HDAC3: variants seen among roughly 807,000 people sequenced by gnomAD.
HDAC3 encodes the protein histone deacetylase 3.
Under a neutral mutation model 62.3 loss-of-function variants are expected in HDAC3, and 21 were observed. The ratio of observed to expected loss-of-function variants is 0.34; its 90% CI spans 0.24 to 0.49. The LOEUF (loss-of-function observed/expected upper bound fraction) is 0.49, where lower values mean the gene tolerates loss of function less well. Among genes scored for constraint, HDAC3 ranks in the 20% least tolerant of loss-of-function variants. HDAC3 has a pLI of 0.99. For missense variants in HDAC3, 270 were observed against 556.9 expected (o/e 0.48, Z 5.19); for synonymous variants, 198 against 206.5 (o/e 0.96, Z 0.35).
intron 14 of HDAC3, 145 bp from the exon 15 acceptor site, chr5:141,621,682 G>A (rs949518936): frequency 1.2e-5 from 8 of 642,042 alleles, no homozygotes; most frequent in African/African-American, 3.7e-5. Context: ...ACCCATTCAC[G>A]TATCAAATAA....
intron 3 of HDAC3, among the ~76,000 whole-genome samples, chr5:141,630,639 T>C (rs1180898813): frequency 1.3e-5 from 2 of 152,222 alleles, no homozygotes; most frequent in Non-Finnish European, 2.9e-5. Context: ...ATTATTACCA[T>C]TGTTATTCTT....
At chr5:141,634,765 C>T (rs201039426) in intron 3 of HDAC3, 46 bp downstream of exon 3, 37 of 1,597,946 alleles carry the variant, frequency 2.3e-5, no homozygotes, top group Admixed American at 3.4e-5. Context: ...CACTGAAGGG[C>T]TTGGCATTAA....
chr5:141,634,568 A>G (rs545638989), intron 3 of HDAC3, among the ~76,000 whole-genome samples: 12 of 152,330 alleles, frequency 7.9e-5, no homozygotes, highest in South Asian at 2.1e-4. Flanking sequence ...CCTCCTCTTT[A>G]TAAGACTTAG....
intron 2 of HDAC3, 89 bp from the exon 3 acceptor site, chr5:141,635,042 T>A: frequency 7.5e-7 from 1 of 1,330,010 alleles, no homozygotes. Flanking sequence ...TCCTGGAGAC[T>A]ATATGAAGCC....
chr5:141,624,214 T>C (rs1380669390), intron 14 of HDAC3, among the ~76,000 whole-genome samples: 3 of 151,070 alleles, frequency 2.0e-5, no homozygotes, highest in Middle Eastern at 3.4e-3. Context: ...TGCTACAGAC[T>C]TTCTGGACGG....
rs376068883 is a variant in HDAC3 at position 141,629,896 on chromosome 5, G to A, written c.384C>T (p.Asn128=). 12 of 1,614,036 alleles carry A rather than the reference G, an allele frequency of 7.4e-6. No homozygotes were observed. The highest frequency in any genetic ancestry group is 1.6e-4 in the Middle Eastern group (1 of 6,084). Residue 128 remains asparagine (N), a synonymous_variant, in exon 5 of 15, where the codon AAC becomes AAT. Transcript: ENST00000305264. This position sits in a 1 kb window ranked among gnomAD's most constrained non-coding sequence, Gnocchi z 5.3. The part of the protein sequence containing the change: ...LNNKICDIAI[N]WAGGLHHAKK... ...TGGCATGGTGCAGACCACCAGCCCAGTTAATGGCAATATCACAGATCTGAA... is the reference window on the plus strand; with the variant it reads ...TGGCATGGTGCAGACCACCAGCCCAATTAATGGCAATATCACAGATCTGAA...
chr5:141,631,997 T>C (rs2099905283), intron 3 of HDAC3, among the ~76,000 whole-genome samples: 1 of 151,290 alleles, frequency 6.6e-6, no homozygotes, highest in Non-Finnish European at 1.5e-5. Flanking sequence ...GAGGGATTTA[T>C]GGGTGAAAAG....
intron 3 of HDAC3, among the ~76,000 whole-genome samples, chr5:141,632,848 T>A (rs891351182): frequency 1.3e-5 from 2 of 152,148 alleles, no homozygotes; most frequent in African/African-American, 4.8e-5. Context: ...AGGGATAAAG[T>A]TGGAAAGGTG....
rs765982342 is a variant in HDAC3, at chr5:141,629,316, A to G, written c.477-10T>C. On this transcript the variant is annotated splice_polypyrimidine_tract_variant and intron_variant, in intron 6 of 14. Transcript: ENST00000305264. The surrounding 1 kb of genome is among the most constrained non-coding windows in gnomAD (Gnocchi z 5.3). ...CACCCGAGGGTGGTACCTAGAGGGA[A>G]GCCAAAGCCAGGGTCTGAGCTAGAA... 5.6e-6 allele frequency: 9 copies of G among 1,614,040 alleles called. No homozygotes were observed. Among genetic ancestry groups the G allele is most frequent in the Non-Finnish European group, 7.6e-6 (9 of 1,180,028 alleles).
rs544117508 is a variant in HDAC3, at chr5:141,627,405, A to C, written c.830+488T>G. 6.6e-5 allele frequency among the ~76,000 whole-genome samples: 10 copies of C among 152,184 alleles called. No individual in the cohort carries two copies. In the South Asian group the frequency reaches 2.1e-3, roughly 32 times the overall value. ...CAGAGCCTTTTGTGGGCCTTTGTCC[A>C]TGCTTGGGTCAGGCTTCTCTCTGCT... On this transcript the variant is annotated intron_variant, in intron 10 of 14. Coordinates refer to ENST00000305264, the MANE Select transcript of HDAC3 (RefSeq NM_003883.4).
chr5:141,630,566 C>T (rs1254940003), intron 3 of HDAC3, among the ~76,000 whole-genome samples: 18 of 152,150 alleles, frequency 1.2e-4, no homozygotes, highest in Admixed American at 1.2e-3. Context: ...GATGAGATAA[C>T]CCACGAAAAG....
chr5:141,621,935 C>G (rs1301251679), intron 14 of HDAC3, among the ~76,000 whole-genome samples: 3 of 152,034 alleles, frequency 2.0e-5, no homozygotes, highest in Non-Finnish European at 1.5e-5. Context: ...GGACATAAGA[C>G]CTAAAGTCTG....
Position 141,628,449 on chromosome 5 carries a change from T to C in HDAC3, c.691+110A>G, listed in dbSNP as rs1043819027. The C allele has an allele frequency of 3.4e-6, 3 of 893,828 alleles. No individual in the cohort carries two copies. The highest frequency in any genetic ancestry group is 3.3e-5 in the African/African-American group (2 of 60,118). 55.4% of individuals were successfully genotyped at this position (893,828 alleles called of 1,614,324 possible). A position where few individuals can be genotyped will look rare whatever the true frequency, so the allele number is the denominator to read the frequency against. On this transcript the variant is annotated intron_variant, in intron 8 of 14. Transcript: ENST00000305264. The surrounding 1 kb of genome is among the most constrained non-coding windows in gnomAD (Gnocchi z 4.7). Reference sequence around the variant, plus strand: ...AGATTCATGGTCCCTCTGAAGGCCATTCATCCTTAAGGACAACTGGCCCAA... The same window carrying C: ...AGATTCATGGTCCCTCTGAAGGCCACTCATCCTTAAGGACAACTGGCCCAA...
rs1385510987 is a variant in HDAC3, at chr5:141,625,294, A to T, written c.1131T>A (p.Ile377=). Residue 377 remains isoleucine (I), a synonymous_variant, in exon 14 of 15, where the codon ATT becomes ATA. Transcript: ENST00000305264. The surrounding 1 kb of genome is among the most constrained non-coding windows in gnomAD (Gnocchi z 4.0). ...TCAGGAGGTCTGCAGGCACGTCATG[A>T]ATCTGGACACTAGGTGCATGGTTCA... ...KMLNHAPSVQ[I]HDVPADLLTY... 8.1e-6 allele frequency: 13 copies of T among 1,614,018 alleles called. No homozygotes were observed. The Admixed American group carries it at 2.2e-4, about 27-fold the overall frequency.
chr5:141,632,613 G>A (rs2099905383), intron 3 of HDAC3, among the ~76,000 whole-genome samples: 1 of 152,132 alleles, frequency 6.6e-6, no homozygotes, highest in Non-Finnish European at 1.5e-5. Flanking sequence ...TAGAAAGTGA[G>A]CTCAGAAATA....
Position 141,628,486 on chromosome 5 carries a change from A to G in HDAC3, c.691+73T>C. 8.1e-7 allele frequency: 1 copy of G among 1,240,162 alleles called. No homozygotes were observed. The highest frequency in any genetic ancestry group is 1.2e-6 in the Non-Finnish European group (1 of 841,442). 76.8% of individuals were successfully genotyped at this position (1,240,162 alleles called of 1,614,324 possible). On this transcript the variant is annotated intron_variant, in intron 8 of 14. Transcript: ENST00000305264. The surrounding 1 kb of genome is among the most constrained non-coding windows in gnomAD (Gnocchi z 4.7). ...GACAACTGGCCCAACAGCAGACAAT[A>G]CCAGGCAGAAGAGGTTATTTCAAGG...
At chr5:141,623,894 A>C (rs969560594) in intron 14 of HDAC3, among the ~76,000 whole-genome samples, 12 of 152,118 alleles carry the variant, frequency 7.9e-5, no homozygotes, top group Admixed American at 7.2e-4. Context: ...CATTAAGTGC[A>C]TCTGTTTCTG....
chr5:141,629,451 G>A lies in HDAC3; in HGVS notation c.477-145C>T. On this transcript the variant is annotated intron_variant, in intron 6 of 14. Transcript: ENST00000305264. The surrounding 1 kb of genome is among the most constrained non-coding windows in gnomAD (Gnocchi z 5.3). ...GTCACCAGTTCCCTAAAGGCAACTG[G>A]GGGCTCCAGCCTAGAGGCTAGAGGC... The A allele has an allele frequency of 8.5e-7, 1 of 1,172,296 alleles. No homozygotes were observed. Among genetic ancestry groups the A allele is most frequent in the Non-Finnish European group, 1.2e-6 (1 of 819,302 alleles). The allele number at this position is 1,172,296 out of a possible 1,614,324, so 72.6% of individuals were successfully genotyped here. A position where few individuals can be genotyped will look rare whatever the true frequency, so the allele number is the denominator to read the frequency against.
At position 141,626,336 on chromosome 5, in the gene HDAC3, A is replaced by G; in HGVS notation, c.831-53T>C. On this transcript the variant is annotated intron_variant, in intron 10 of 14. Transcript: ENST00000305264. The surrounding 1 kb of genome is among the most constrained non-coding windows in gnomAD (Gnocchi z 4.6). ...GGAGGAGGTTATCAAAAGACAAGGTAAATACCTTTAGGTATTGCCTGAAAG... is the reference window on the plus strand; with the variant it reads ...GGAGGAGGTTATCAAAAGACAAGGTGAATACCTTTAGGTATTGCCTGAAAG... 1 of 1,366,808 alleles carries G rather than the reference A, an allele frequency of 7.3e-7. No homozygotes were observed. Among genetic ancestry groups the G allele is most frequent in the Non-Finnish European group, 1.0e-6 (1 of 959,058 alleles). 84.7% of individuals were successfully genotyped at this position (1,366,808 alleles called of 1,614,324 possible).
Sources: gnomAD v4.1 joint callset for allele counts (sites outside exome capture counted in the v4.1 genomes callset) on GRCh38, gnomAD v4.1.1 for gene constraint, Gnocchi (gnomAD v3.1) non-coding constraint, MANE v1.5 for transcripts, NCBI Gene and HGNC (gene_info 2026-07-23, HGNC 2026-07-21) for gene names.